The following DNAJB12 variants were observed in gnomAD, a reference collection of about 807,000 sequenced individuals.
DNAJB12 encodes DnaJ heat shock protein family (Hsp40) member B12.
DNAJB12 carries 14 observed loss-of-function variants against 40.6 expected under a neutral mutation model. The ratio of observed to expected loss-of-function variants is 0.34; its 90% confidence interval spans 0.23 to 0.54. The LOEUF (loss-of-function observed/expected upper bound fraction) is 0.54, where lower values mean the gene tolerates loss of function less well. Among genes scored for constraint, DNAJB12 ranks in the 20% least tolerant of loss-of-function variants. DNAJB12 has a pLI of 0.92. For missense variants in DNAJB12, 444 were observed against 501.7 expected (o/e 0.89, Z 1.10); for synonymous variants, 181 against 199.5 (o/e 0.91, Z 0.78).
At chr10:72,336,071 C>T in intron 7 of DNAJB12, 140 bp from the exon 8 acceptor site, 1 of 1,048,274 alleles carries the variant, frequency 9.5e-7, no homozygotes. Context: ...TTAGGAAGAC[C>T]ATGGAGGAGC....
chr10:72,343,454 A>G lies in DNAJB12; in HGVS notation c.369T>C (p.Asp123=). 6.2e-7 allele frequency: 1 copy of G among 1,614,120 alleles called. No homozygotes were observed. The highest frequency in any genetic ancestry group is 1.3e-5 in the African/African-American group (1 of 75,012). The change falls in exon 3 of 9, where the codon GAT becomes GAC. Residue 123 remains aspartate (D), a synonymous_variant. Transcript: ENST00000444643. Reference sequence around the variant, plus strand: ...TGCGGTAGGCCTTCTTCAGGTCCTCATCCGAGGCCCCTCTGCTCACCCCCA... The same window carrying G: ...TGCGGTAGGCCTTCTTCAGGTCCTCGTCCGAGGCCCCTCTGCTCACCCCCA... The part of the protein sequence containing the change: ...EILGVSRGAS[D]EDLKKAYRRL...
chr10:72,354,651 G>A (rs1013063741), intron 1 of DNAJB12, 114 bp downstream of exon 1: 15 of 1,032,134 alleles, frequency 1.5e-5, no homozygotes, highest in Non-Finnish European at 1.9e-5. Context: ...TCAGTGCGCA[G>A]GCGTAGCCGC....
At chr10:72,340,616 G>T (rs756097836) in intron 5 of DNAJB12, among the ~76,000 whole-genome samples, 173 bp downstream of exon 5, 11 of 152,170 alleles carry the variant, frequency 7.2e-5, no homozygotes, top group Non-Finnish European at 1.2e-4. Context: ...GCGCCCTCTG[G>T]TGTCACTCAG....
intron 6 of DNAJB12, among the ~76,000 whole-genome samples, chr10:72,337,143 C>T (rs936669348): frequency 6.6e-6 from 1 of 152,242 alleles, no homozygotes; most frequent in African/African-American, 2.4e-5. Flanking sequence ...GCCTTATCCT[C>T]CCAGCTCCAA....
Position 72,336,572 on chromosome 10 carries a change from C to A in DNAJB12, c.958G>T (p.Asp320Tyr). ...TTGTTCCGGAGGTTGGCGATATAAT[C>A]ATCTTCCACATTCCGCTCGACTGTT... is the stretch of plus-strand genomic sequence containing the variant. ...LKTVERNVED[D>Y]YIANLRNNCW... Residue 320 changes from aspartate (D) to tyrosine (Y), a missense_variant, in exon 7 of 9, where the codon GAT (aspartate) becomes TAT (tyrosine). By Grantham distance (160) the Asp-to-Tyr change is radical (BLOSUM62 -3). Coordinates refer to ENST00000444643, the MANE Select transcript of DNAJB12 (RefSeq NM_017626.7). 1.2e-6 allele frequency: 2 copies of A among 1,614,118 alleles called. No homozygotes were observed. The highest frequency in any genetic ancestry group is 1.7e-6 in the Non-Finnish European group (2 of 1,179,980).
intron 2 of DNAJB12, 97 bp downstream of exon 2, chr10:72,344,853 T>G: frequency 6.9e-7 from 1 of 1,438,858 alleles, no homozygotes; most frequent in Non-Finnish European, 9.7e-7. Flanking sequence ...CAGGGCCCTG[T>G]GCTGCCCACA....
chr10:72,340,894 G>C, intron 4 of DNAJB12, 26 bp from the exon 5 acceptor site: 1 of 1,612,644 alleles, frequency 6.2e-7, no homozygotes, highest in Non-Finnish European at 8.5e-7. Context: ...GCTGAGTCAG[G>C]AGCCAGGTCT....
At chr10:72,340,754 C>T in intron 5 of DNAJB12, 35 bp downstream of exon 5, 1 of 1,606,434 alleles carries the variant, frequency 6.2e-7, no homozygotes, top group Non-Finnish European at 8.5e-7. Flanking sequence ...ATTTGGTGCC[C>T]TTCCCGCGCT....
chr10:72,351,477 C>T (rs916794465), intron 1 of DNAJB12, among the ~76,000 whole-genome samples: 1 of 152,268 alleles, frequency 6.6e-6, no homozygotes, highest in African/African-American at 2.4e-5. Flanking sequence ...AGACCATCCT[C>T]TGCCCATGCT....
chr10:72,333,772 A>C lies in DNAJB12; in HGVS notation c.*876T>G, dbSNP rs1355975792. On this transcript the variant is annotated 3_prime_UTR_variant, in exon 9 of 9. Transcript: ENST00000444643. ...CAAAGAGCCCACCAGCGCTGCTGAG[A>C]GGGGAGAGGTGGTCTCACCCAAGCA... The C allele has an allele frequency of 2.6e-5, 4 of 152,594 alleles. No individual in the cohort carries two copies. The highest frequency in any genetic ancestry group is 5.9e-5 in the Non-Finnish European group (4 of 68,084). 9.5% of individuals were successfully genotyped at this position (152,594 alleles called of 1,614,324 possible).
intron 1 of DNAJB12, among the ~76,000 whole-genome samples, chr10:72,345,435 G>A (rs1861758748): frequency 1.3e-5 from 2 of 151,242 alleles, no homozygotes; most frequent in African/African-American, 4.9e-5. Context: ...AATCCCGTCT[G>A]TACTAAAAAT....
chr10:72,342,386 C>T (rs1336770152), intron 3 of DNAJB12, among the ~76,000 whole-genome samples: 1 of 152,238 alleles, frequency 6.6e-6, no homozygotes, highest in Non-Finnish European at 1.5e-5. Context: ...GGAATCGTCT[C>T]CTCCGCCAAT....
intron 5 of DNAJB12, among the ~76,000 whole-genome samples, chr10:72,339,887 G>A (rs11497790): frequency 1.3e-5 from 2 of 151,730 alleles, no homozygotes. Flanking sequence ...ATTTTTGTAT[G>A]TTTAGTAGAG....
intron 1 of DNAJB12, among the ~76,000 whole-genome samples, chr10:72,347,204 G>A (rs895623582): frequency 1.2e-4 from 19 of 152,014 alleles, no homozygotes; most frequent in African/African-American, 4.3e-4. Flanking sequence ...CAAGTGATCC[G>A]CCTGCCTTGG....
At position 72,349,600 on chromosome 10, in the gene DNAJB12, G is replaced by A. The variant is rs953544412; in HGVS notation, c.134-4473C>T. Among the ~76,000 whole-genome samples, 14 of 152,272 alleles carry A rather than the reference G, an allele frequency of 9.2e-5. No individual in the cohort carries two copies. In the East Asian group the frequency reaches 2.7e-3, roughly 29 times the overall value. On this transcript the variant is annotated intron_variant, in intron 1 of 8. Coordinates refer to ENST00000444643, the MANE Select transcript of DNAJB12 (RefSeq NM_017626.7). ...TTCAGTTCCTCTGGAAGTTCTGGTG[G>A]CCCAGGCTGAGCCTGGCAGATCCTA... is the stretch of plus-strand genomic sequence containing the variant.
rs922494029 is a variant in DNAJB12 at position 72,335,171 on chromosome 10, C to A, written c.*31-554G>T. 1.4e-5 allele frequency: 14 copies of A among 988,060 alleles called. No individual in the cohort carries two copies. Among genetic ancestry groups the A allele is most frequent in the Non-Finnish European group, 1.6e-5 (13 of 831,276 alleles). 61.2% of individuals were successfully genotyped at this position (988,060 alleles called of 1,614,324 possible). A position where few individuals can be genotyped will look rare whatever the true frequency, so the allele number is the denominator to read the frequency against. Reference sequence around the variant, plus strand: ...CGGCATTCGAGAGAGTGCCTCAGATCCCACCAGAGGGGGGTGGTCAGGGCC... The same window carrying A: ...CGGCATTCGAGAGAGTGCCTCAGATACCACCAGAGGGGGGTGGTCAGGGCC... On this transcript the variant is annotated intron_variant, in intron 8 of 8. Coordinates refer to ENST00000444643, the MANE Select transcript of DNAJB12 (RefSeq NM_017626.7). This position sits in a 1 kb window ranked among gnomAD's most constrained non-coding sequence, Gnocchi z 4.4.
chr10:72,344,862 C>A, intron 2 of DNAJB12, 88 bp downstream of exon 2: 1 of 1,507,584 alleles, frequency 6.6e-7, no homozygotes. Context: ...GTGCTGCCCA[C>A]AGGCAGATGG....
intron 1 of DNAJB12, among the ~76,000 whole-genome samples, chr10:72,348,003 C>T (rs921177161): frequency 1.4e-5 from 2 of 145,572 alleles, no homozygotes; most frequent in African/African-American, 5.1e-5. Context: ...GCGGGCAGAT[C>T]GCCTGAGGTC....
At chr10:72,354,417 T>G in intron 1 of DNAJB12, 1 of 271,368 alleles carries the variant, frequency 3.7e-6, no homozygotes, top group African/African-American at 2.2e-5. Flanking sequence ...GCGACTGGCC[T>G]GGGCTACCGA....
Sources: gnomAD v4.1 joint callset for allele counts (sites outside exome capture counted in the v4.1 genomes callset) on GRCh38, gnomAD v4.1.1 for gene constraint, Gnocchi (gnomAD v3.1) non-coding constraint, MANE v1.5 for transcripts, NCBI Gene and HGNC (gene_info 2026-07-23, HGNC 2026-07-21) for gene names.